The following CAMTA1 variants were observed in gnomAD, a reference collection of about 807,000 sequenced individuals.
CAMTA1 encodes calmodulin-binding transcription activator 1.
CAMTA1 carries 27 observed loss-of-function variants against 170.9 expected under a neutral mutation model. The ratio of observed to expected loss-of-function variants is 0.16; its 90% CI spans 0.12 to 0.22. The LOEUF (loss-of-function observed/expected upper bound fraction) is 0.22, where lower values mean the gene tolerates loss of function less well. Among genes scored for constraint, CAMTA1 ranks in the 10% least tolerant of loss-of-function variants. CAMTA1 has a pLI of 1.00. For missense variants in CAMTA1, 1,619 were observed against 2,217.2 expected, an observed-to-expected ratio of 0.73 and a Z score of 5.42; for synonymous variants, 833 against 891.5, an observed-to-expected ratio of 0.93 and a Z score of 1.17.
chr1:7,355,402 A>C (rs2085029863), intron 5 of CAMTA1, among the ~76,000 whole-genome samples: 1 of 152,044 alleles, frequency 6.6e-6, no homozygotes, highest in African/African-American at 2.4e-5. Flanking sequence ...AACAAAATAA[A>C]ACAAACAGAA....
intron 3 of CAMTA1, among the ~76,000 whole-genome samples, chr1:7,032,163 A>C (rs1337505125): frequency 6.6e-6 from 1 of 151,820 alleles, no homozygotes. Context: ...ACAGGGTTTC[A>C]CCATTTGACC....
rs373901246 is a variant in CAMTA1, at chr1:7,404,864, A to G, written c.439-62966A>G. Reference sequence around the variant, plus strand: ...GTCTGTAGTCAAAGGAATCTGGAGTATGCTGCCTCCTTAGTTCATGACTAG... The same window carrying G: ...GTCTGTAGTCAAAGGAATCTGGAGTGTGCTGCCTCCTTAGTTCATGACTAG... On this transcript the variant is annotated intron_variant, in intron 5 of 22. Transcript: ENST00000303635. Among the ~76,000 whole-genome samples the G allele has an allele frequency of 2.6e-5, 4 of 152,228 alleles. No homozygotes were observed. The East Asian group carries it at 7.7e-4, about 29-fold the overall frequency.
intron 6 of CAMTA1, among the ~76,000 whole-genome samples, chr1:7,486,149 T>C (rs1051563746): frequency 2.0e-5 from 3 of 152,222 alleles, no homozygotes; most frequent in Non-Finnish European, 4.4e-5. Flanking sequence ...GTTTGCAGAA[T>C]GGCCAGATTT....
At chr1:7,022,249 T>TA (rs1415691740) in intron 3 of CAMTA1, among the ~76,000 whole-genome samples, 2 of 152,142 alleles carry the variant, frequency 1.3e-5, no homozygotes, top group Non-Finnish European at 2.9e-5. Context: ...CTCAGCCACT[T>TA]ATGCATTCCC....
chr1:6,792,603 C>T (rs1243955793), intron 1 of CAMTA1, among the ~76,000 whole-genome samples: 4 of 151,894 alleles, frequency 2.6e-5, no homozygotes, highest in Non-Finnish European at 5.9e-5. Context: ...TCATTTACTT[C>T]GAACTGATTG....
chr1:7,366,779 G>T (rs182626578), intron 5 of CAMTA1, among the ~76,000 whole-genome samples: 2 of 152,230 alleles, frequency 1.3e-5, no homozygotes, highest in African/African-American at 4.8e-5. Flanking sequence ...GCAGGAACCC[G>T]CCAGCTTGGT....
chr1:7,590,230 G>A (rs948106483), intron 6 of CAMTA1, among the ~76,000 whole-genome samples: 5 of 152,290 alleles, frequency 3.3e-5, no homozygotes, highest in Middle Eastern at 3.4e-3. Context: ...GCACAGCTCC[G>A]AGTCATCAAG....
chr1:6,924,784 TA>T (rs976632019), intron 3 of CAMTA1, among the ~76,000 whole-genome samples: 4 of 152,256 alleles, frequency 2.6e-5, no homozygotes, highest in Admixed American at 2.6e-4. Flanking sequence ...ATACCCTTTC[TA>T]TTACTATACC....
intron 6 of CAMTA1, among the ~76,000 whole-genome samples, chr1:7,541,112 A>G (rs1575897852): frequency 6.6e-6 from 1 of 152,220 alleles, no homozygotes; most frequent in Non-Finnish European, 1.5e-5. Context: ...TACATGGCCC[A>G]GATTTTATGC....
At chr1:7,464,505 G>A (rs943805172) in intron 5 of CAMTA1, among the ~76,000 whole-genome samples, 6 of 152,212 alleles carry the variant, frequency 3.9e-5, no homozygotes, top group Non-Finnish European at 8.8e-5. Flanking sequence ...ATATGGCCTG[G>A]AATCTGGTGA....
rs967030144 is a variant in CAMTA1 at position 7,426,966 on chromosome 1, A to G, written c.439-40864A>G. 6.6e-6 allele frequency among the ~76,000 whole-genome samples: 1 copy of G among 152,112 alleles called. No individual in the cohort carries two copies. Among genetic ancestry groups the G allele is most frequent in the Non-Finnish European group, 1.5e-5 (1 of 68,018 alleles). ...TTTTTGCTCAGCGGTGGCGTTCAGA[A>G]TCGTGTTTTCCTTACTCAACATTCC... On this transcript the variant is annotated intron_variant, in intron 5 of 22. Coordinates refer to ENST00000303635, the MANE Select transcript of CAMTA1 (RefSeq NM_015215.4). This position sits in a 1 kb window ranked among gnomAD's most constrained non-coding sequence, Gnocchi z 4.8.
intron 6 of CAMTA1, among the ~76,000 whole-genome samples, chr1:7,489,858 C>T (rs142214469): frequency 1.3e-5 from 2 of 152,346 alleles, no homozygotes; most frequent in Non-Finnish European, 2.9e-5. Flanking sequence ...TCCGTCCCCA[C>T]TCCTCCATGT....
intron 3 of CAMTA1, among the ~76,000 whole-genome samples, chr1:7,061,093 G>C (rs1309024712): frequency 6.6e-6 from 1 of 152,312 alleles, no homozygotes; most frequent in East Asian, 1.9e-4. Context: ...AGACTGTCCA[G>C]GAACAGGTTT....
intron 5 of CAMTA1, among the ~76,000 whole-genome samples, chr1:7,298,149 T>G (rs1042930643): frequency 3.3e-5 from 5 of 152,164 alleles, no homozygotes; most frequent in Non-Finnish European, 7.4e-5. Flanking sequence ...AGGGAAGGAT[T>G]CTCAAGGAAG....
chr1:7,197,402 G>A (rs1004919804), intron 4 of CAMTA1, among the ~76,000 whole-genome samples: 14 of 152,080 alleles, frequency 9.2e-5, no homozygotes, highest in African/African-American at 3.1e-4. Flanking sequence ...CAAAGACCAG[G>A]AGATGCTCTC....
At chr1:7,689,208 A>G (rs2096284065) in intron 11 of CAMTA1, among the ~76,000 whole-genome samples, 1 of 148,206 alleles carries the variant, frequency 6.7e-6, no homozygotes, top group African/African-American at 2.5e-5. Context: ...CAGAGGTTGC[A>G]ATGAGCCAAG....
chr1:6,907,787 CGGT>C (rs1678860476), intron 3 of CAMTA1, among the ~76,000 whole-genome samples: 1 of 152,186 alleles, frequency 6.6e-6, no homozygotes, highest in South Asian at 2.1e-4. Context: ...AGTCAGCCCT[CGGT>C]GGGGCCCTTC....
intron 5 of CAMTA1, among the ~76,000 whole-genome samples, chr1:7,361,623 A>G (rs2085541235): frequency 6.6e-6 from 1 of 152,208 alleles, no homozygotes; most frequent in Non-Finnish European, 1.5e-5. Flanking sequence ...CTTTTTTAAA[A>G]GTCAAGATGA....
intron 3 of CAMTA1, among the ~76,000 whole-genome samples, chr1:7,034,763 G>A (rs928894233): frequency 3.3e-5 from 5 of 152,146 alleles, no homozygotes; most frequent in African/African-American, 4.8e-5. Flanking sequence ...ACTCCCAGAT[G>A]TCTGATATCT....
Sources: gnomAD v4.1 joint callset for allele counts (sites outside exome capture counted in the v4.1 genomes callset) on GRCh38, gnomAD v4.1.1 for gene constraint, Gnocchi (gnomAD v3.1) non-coding constraint, MANE v1.5 for transcripts, NCBI Gene and HGNC (gene_info 2026-07-23, HGNC 2026-07-21) for gene names.